GPC5: variants seen among roughly 807,000 people sequenced by gnomAD.
The protein encoded by GPC5 is glypican-5.
A neutral mutation model predicts 53.9 loss-of-function variants in GPC5; 47 were observed. That is an observed-to-expected ratio of 0.87 (90% CI 0.69 to 1.11). GPC5 has a LOEUF of 1.11. GPC5 is among the 50% of genes most tolerant of loss of function. GPC5 has a pLI of 0.00. For synonymous variants in GPC5, 286 were observed against 263.3 expected (o/e 1.09, Z -0.84); for missense variants, 748 against 713.1 (o/e 1.05, Z -0.56).
intron 6 of GPC5, among the ~76,000 whole-genome samples, chr13:92,016,973 T>C (rs2040713339): frequency 6.6e-6 from 1 of 152,192 alleles, no homozygotes; most frequent in Non-Finnish European, 1.5e-5. Context: ...GTGAAAGTAC[T>C]GTCTCCACTA....
At chr13:92,801,078 G>A (rs1876886338) in intron 7 of GPC5, among the ~76,000 whole-genome samples, 1 of 151,612 alleles carries the variant, frequency 6.6e-6, no homozygotes, top group East Asian at 2.0e-4. Flanking sequence ...GGTATAAAAT[G>A]TATTTTATGT....
intron 7 of GPC5, among the ~76,000 whole-genome samples, chr13:92,476,594 C>T (rs1041030012): frequency 6.0e-5 from 9 of 150,156 alleles, no homozygotes; most frequent in East Asian, 5.9e-4. Context: ...CACATGCACA[C>T]GTATGTTTAC....
chr13:91,549,439 G>A (rs753590560), intron 2 of GPC5, among the ~76,000 whole-genome samples: 10 of 152,022 alleles, frequency 6.6e-5, no homozygotes, highest in African/African-American at 9.7e-5. Context: ...CTCTGAAAAA[G>A]ATGATGTCAA....
At chr13:92,021,014 G>A (rs569208920) in intron 6 of GPC5, among the ~76,000 whole-genome samples, 1 of 152,182 alleles carries the variant, frequency 6.6e-6, no homozygotes, top group East Asian at 1.9e-4. Flanking sequence ...CATAAAATAA[G>A]GGTCTAATTT....
At chr13:92,802,413 A>C (rs1876940052) in intron 7 of GPC5, among the ~76,000 whole-genome samples, 1 of 151,602 alleles carries the variant, frequency 6.6e-6, no homozygotes, top group African/African-American at 2.4e-5. Context: ...GTATTTATTT[A>C]TTTGTTGTTT....
chr13:92,579,834 T>TTCTC (rs150864096), intron 7 of GPC5, among the ~76,000 whole-genome samples: 1 of 150,890 alleles, frequency 6.6e-6, no homozygotes, highest in South Asian at 2.1e-4. Context: ...CCTATAAGGT[T>TTCTC]TCTCTCTCTC....
intron 7 of GPC5, among the ~76,000 whole-genome samples, chr13:92,321,588 G>A (rs1016562593): frequency 2.0e-5 from 3 of 151,926 alleles, no homozygotes; most frequent in Admixed American, 6.6e-5. Context: ...GGGACAGAGC[G>A]AGACTCCATC....
intron 7 of GPC5, among the ~76,000 whole-genome samples, chr13:92,511,557 TA>T (rs1426338626): frequency 6.6e-6 from 1 of 152,214 alleles, no homozygotes; most frequent in Admixed American, 6.5e-5. Flanking sequence ...GATTAAATGA[TA>T]CCTCTGTTGT....
At chr13:91,518,805 G>A (rs1409932251) in intron 2 of GPC5, among the ~76,000 whole-genome samples, 3 of 152,084 alleles carry the variant, frequency 2.0e-5, no homozygotes, top group South Asian at 4.1e-4. Context: ...CACCAGTCTC[G>A]GCCTCCCAAA....
intron 7 of GPC5, among the ~76,000 whole-genome samples, chr13:92,385,517 TAC>T (rs201828769): frequency 0.17 from 11,885 of 67,934 alleles, 2,333 homozygotes; most frequent in African/African-American, 0.3. Context: ...CATATATACA[TAC>T]ATATGCATAT....
At chr13:92,428,189 G>A (rs1304282186) in intron 7 of GPC5, among the ~76,000 whole-genome samples, 2 of 152,034 alleles carry the variant, frequency 1.3e-5, no homozygotes, top group East Asian at 1.9e-4. Context: ...CGGACACATG[G>A]TCTCTATCAG....
At position 92,021,303 on chromosome 13, in the gene GPC5, A is replaced by G. The variant is rs2040756170; in HGVS notation, c.1401+113246A>G. 2.0e-5 allele frequency among the ~76,000 whole-genome samples: 3 copies of G among 152,248 alleles called. No individual in the cohort carries two copies. The South Asian group carries it at 6.2e-4, about 31-fold the overall frequency. ...AATGGGATACTATTCAGCATTTAAA[A>G]AGGAAATTCTACAATACGTGACAGC... On this transcript the variant is annotated intron_variant, in intron 6 of 7. Coordinates refer to ENST00000377067, the MANE Select transcript of GPC5 (RefSeq NM_004466.6).
rs1481221304 is a variant in GPC5, at chr13:91,693,327, G to C, written c.466G>C (p.Asp156His). 28 of 1,613,990 alleles carry C rather than the reference G, an allele frequency of 1.7e-5. No individual in the cohort carries two copies. The highest frequency in any genetic ancestry group is 2.4e-5 in the Non-Finnish European group (28 of 1,180,016). The change falls in exon 3 of 8, where the codon GAT becomes CAT. Residue 156 changes from aspartate (D) to histidine (H), a missense_variant. Transcript: ENST00000377067. ...TDVGLYLFGA[D>H]VNPEEFVNRF... ...TGTGGGGCTGTATTTATTTGGTGCG[G>C]ATGTTAATCCTGAAGAATTTGTAAA...
chr13:91,595,222 T>C (rs142113693), intron 2 of GPC5, among the ~76,000 whole-genome samples: 9,336 of 151,932 alleles, frequency 0.061, 363 homozygotes, highest in Non-Finnish European at 0.087. Context: ...TTTCACCATG[T>C]TGGCCAGGAT....
At chr13:92,039,567 T>G (rs764586) in intron 6 of GPC5, among the ~76,000 whole-genome samples, 72,446 of 152,082 alleles carry the variant, frequency 0.48, 17,640 homozygotes, top group Admixed American at 0.53. Flanking sequence ...AAAAGTTGGT[T>G]GCTGTATTAG....
intron 5 of GPC5, among the ~76,000 whole-genome samples, chr13:91,873,949 T>C (rs2352188): frequency 1.8e-3 from 267 of 152,302 alleles, no homozygotes; most frequent in Non-Finnish European, 3.4e-3. Context: ...CCCAACCTGC[T>C]GGGGTCACAG....
At chr13:91,802,783 G>T (rs375122360) in intron 5 of GPC5, among the ~76,000 whole-genome samples, 1 of 152,066 alleles carries the variant, frequency 6.6e-6, no homozygotes, top group East Asian at 1.9e-4. Flanking sequence ...CCTTGGACTC[G>T]CAATCAAAAG....
intron 7 of GPC5, among the ~76,000 whole-genome samples, chr13:92,201,467 C>CA (rs11335277): frequency 6.6e-6 from 1 of 152,060 alleles, no homozygotes; most frequent in Non-Finnish European, 1.5e-5. Flanking sequence ...AGCATGAAAA[C>CA]AAAAAAATAC....
At chr13:91,805,263 T>A (rs370453762) in intron 5 of GPC5, among the ~76,000 whole-genome samples, 1 of 152,146 alleles carries the variant, frequency 6.6e-6, no homozygotes, top group African/African-American at 2.4e-5. Context: ...TAATTAAATC[T>A]AAAGCTAAAA....
Sources: allele counts gnomAD v4.1 joint callset (sites outside exome capture counted in the v4.1 genomes callset), GRCh38; gene constraint gnomAD v4.1.1; transcripts MANE v1.5; gene names NCBI Gene and HGNC (gene_info 2026-07-23, HGNC 2026-07-21).